The following DLGAP4 variants were observed in gnomAD, a reference collection of about 807,000 sequenced individuals.
DLGAP4 encodes DLG associated protein 4, also known as disks large-associated protein 4.
A neutral mutation model predicts 86.9 loss-of-function variants in DLGAP4; 18 were observed. That is an observed-to-expected ratio of 0.21 (90% CI 0.14 to 0.31). The LOEUF is 0.31. Ranked by LOEUF, DLGAP4 falls within the 10% of genes least tolerant of loss-of-function variation. DLGAP4 has a pLI of 1.00. For missense variants in DLGAP4, 1,085 were observed against 1,362.6 expected, an observed-to-expected ratio of 0.80 and a Z score of 3.21; for synonymous variants, 548 against 574.3, an observed-to-expected ratio of 0.95 and a Z score of 0.65.
In DLGAP4 at chr20:36,526,875, C is replaced by T. The variant is rs2037805671; in HGVS notation, c.2823C>T (p.Ser941=). The T allele has an allele frequency of 6.2e-7, 1 of 1,612,438 alleles. No homozygotes were observed. ...KKPAKSKPAV[S]RDKASDASDK... ...CAGCCAAATCCAAGCCGGCAGTGAG[C>T]CGCGACAAGGCCTCAGACGCCAGCG... The change falls in exon 13 of 13, where the codon AGC becomes AGT. Residue 941 remains serine (S), a synonymous_variant. Coordinates refer to ENST00000339266, the MANE Select transcript of DLGAP4 (RefSeq NM_001365621.2).
intron 2 of DLGAP4, among the ~76,000 whole-genome samples, chr20:36,407,343 T>C (rs1418784141): frequency 3.3e-5 from 5 of 152,166 alleles, no homozygotes. Flanking sequence ...TGTTCCCCTT[T>C]AAAATGTGAT....
rs79561665 is a variant in DLGAP4 at position 36,496,937 on chromosome 20, C to T, written c.1881C>T (p.Ala627=). 3.8e-4 allele frequency: 609 copies of T among 1,614,136 alleles called. 6 individuals are homozygous for T. The East Asian group carries it at 0.011, about 30-fold the overall frequency. The change falls in exon 8 of 13, where the codon GCC becomes GCT. Residue 627 remains alanine (A), a synonymous_variant. Transcript: ENST00000339266. ...CCAGCGTGACACGGGGTGGAGTCGC[C>T]CCAGCCCCTGAGGCCCCAGAGCCAC... The part of the protein sequence containing the change: ...RPPSVTRGGV[A]PAPEAPEPPP...
At chr20:36,335,551 C>T (rs1433278131) in intron 1 of DLGAP4, among the ~76,000 whole-genome samples, 2 of 152,118 alleles carry the variant, frequency 1.3e-5, no homozygotes, top group Admixed American at 6.5e-5. Flanking sequence ...GGGGATCAAG[C>T]GAGGCTGTGT....
chr20:36,444,468 G>T (rs969611282), intron 6 of DLGAP4, among the ~76,000 whole-genome samples: 4 of 151,834 alleles, frequency 2.6e-5, no homozygotes, highest in East Asian at 1.9e-4. Flanking sequence ...TAGAGACAGG[G>T]TCTCGCTGTG....
intron 7 of DLGAP4, among the ~76,000 whole-genome samples, chr20:36,459,595 C>T (rs2033968854): frequency 6.6e-6 from 1 of 152,028 alleles, no homozygotes; most frequent in Non-Finnish European, 1.5e-5. Context: ...CCAGGCTGGT[C>T]TTTTTTTAAT....
intron 1 of DLGAP4, among the ~76,000 whole-genome samples, chr20:36,314,079 T>A (rs2065076002): frequency 6.6e-6 from 1 of 151,670 alleles, no homozygotes; most frequent in African/African-American, 2.4e-5. Flanking sequence ...CACCTCGGGG[T>A]GTGAGGGATT....
At chr20:36,501,636 G>T (rs1260599086) in intron 10 of DLGAP4, among the ~76,000 whole-genome samples, 1 of 152,118 alleles carries the variant, frequency 6.6e-6, no homozygotes, top group African/African-American at 2.4e-5. Flanking sequence ...TGGTTCACCT[G>T]TGGCTCTGGT....
chr20:36,321,203 G>A (rs964076724), intron 1 of DLGAP4, among the ~76,000 whole-genome samples: 2 of 152,234 alleles, frequency 1.3e-5, no homozygotes, highest in African/African-American at 2.4e-5. Context: ...CGTTGGTTAA[G>A]TGAGAGTGAG....
rs905208532 is a variant in DLGAP4 at position 36,527,610 on chromosome 20, C to G, written c.*579C>G. ...GAGATGGACATGCGTCCCCTCCCTC[C>G]CCCCGCCAAGTGCTCACACACAACC... On this transcript the variant is annotated 3_prime_UTR_variant, in exon 13 of 13. Transcript: ENST00000339266. The G allele has an allele frequency of 2.0e-5, 3 of 152,972 alleles. No individual in the cohort carries two copies. The highest frequency in any genetic ancestry group is 4.4e-5 in the Non-Finnish European group (3 of 68,366). 9.5% of individuals were successfully genotyped at this position (152,972 alleles called of 1,614,324 possible).
At chr20:36,416,108 CTTAT>C (rs1186115442) in intron 2 of DLGAP4, among the ~76,000 whole-genome samples, 1 of 152,082 alleles carries the variant, frequency 6.6e-6, no homozygotes, top group African/African-American at 2.4e-5. Flanking sequence ...TAAGCCATGA[CTTAT>C]TTATTTATTT....
chr20:36,405,561 C>T (rs373237569), intron 2 of DLGAP4, among the ~76,000 whole-genome samples: 2 of 152,186 alleles, frequency 1.3e-5, no homozygotes, highest in East Asian at 3.9e-4. Context: ...ATTCTTTGAA[C>T]ACATCCTAGG....
At chr20:36,388,821 T>C (rs2031692027) in intron 2 of DLGAP4, among the ~76,000 whole-genome samples, 1 of 152,228 alleles carries the variant, frequency 6.6e-6, no homozygotes, top group Non-Finnish European at 1.5e-5. Flanking sequence ...TACTTCTTCA[T>C]GATGCTCCTG....
chr20:36,461,502 G>A, intron 7 of DLGAP4: 3 of 982,710 alleles, frequency 3.1e-6, no homozygotes, highest in Non-Finnish European at 1.2e-6. Context: ...GGCTGCGTGA[G>A]GGAGGAGGGT....
chr20:36,503,479 CTTT>C (rs982287997), intron 10 of DLGAP4, among the ~76,000 whole-genome samples: 3 of 109,904 alleles, frequency 2.7e-5, no homozygotes, highest in Middle Eastern at 4.2e-3. Context: ...CATATATGGC[CTTT>C]TTTTTTTTTT....
At chr20:36,444,620 G>A (rs1274428497) in intron 6 of DLGAP4, among the ~76,000 whole-genome samples, 4 of 151,794 alleles carry the variant, frequency 2.6e-5, no homozygotes, top group Non-Finnish European at 5.9e-5. Context: ...CTGTGACTAT[G>A]GAACTTTATT....
rs535694647 is a variant in DLGAP4 at position 36,410,763 on chromosome 20, C to A, written c.-72-20883C>A. ...TCTTGAGGGACGTGCCCCCATGATC[C>A]AAACACCTCCCACCAAACCCCACCT... On this transcript the variant is annotated intron_variant, in intron 2 of 12. Transcript: ENST00000339266. Among the ~76,000 whole-genome samples the A allele has an allele frequency of 1.2e-4, 19 of 152,230 alleles. No homozygotes were observed. The South Asian group carries it at 3.7e-3, about 30-fold the overall frequency.
chr20:36,462,480 CCT>C (rs1261660952), intron 7 of DLGAP4: 4 of 1,576,252 alleles, frequency 2.5e-6, no homozygotes, highest in East Asian at 2.4e-5. Context: ...GCCCTAGCCC[CCT>C]GTCTCCCCTT....
intron 10 of DLGAP4, among the ~76,000 whole-genome samples, chr20:36,522,840 C>T (rs1487464880): frequency 6.6e-6 from 1 of 151,572 alleles, no homozygotes; most frequent in Non-Finnish European, 1.5e-5. Flanking sequence ...GTGGCACTGT[C>T]TTTATGCCAG....
At chr20:36,477,325 C>T (rs2034992173) in intron 7 of DLGAP4, among the ~76,000 whole-genome samples, 1 of 151,920 alleles carries the variant, frequency 6.6e-6, no homozygotes, top group Non-Finnish European at 1.5e-5. Flanking sequence ...GAACTCCTGA[C>T]CTCAAGTGAT....
Sources: allele counts gnomAD v4.1 joint callset (sites outside exome capture counted in the v4.1 genomes callset), GRCh38; gene constraint gnomAD v4.1.1; transcripts MANE v1.5; gene names NCBI Gene and HGNC (gene_info 2026-07-23, HGNC 2026-07-21).